The following TRAF3 variants were observed in gnomAD, a reference collection of about 807,000 sequenced individuals.
TRAF3 encodes TNF receptor associated factor 3.
TRAF3 carries 13 observed loss-of-function variants against 62.3 expected under a neutral mutation model. The ratio of observed to expected loss-of-function variants is 0.21; its 90% CI spans 0.14 to 0.33. The LOEUF (loss-of-function observed/expected upper bound fraction) is 0.33. Ranked by LOEUF, TRAF3 falls within the 10% of genes least tolerant of loss-of-function variation. The pLI is 1.00. For synonymous variants in TRAF3, 269 were observed against 283.4 expected (o/e 0.95, Z 0.51); for missense variants, 440 against 741.8 (o/e 0.59, Z 4.73).
At chr14:102,878,541 C>T (rs1216284804) in intron 6 of TRAF3, among the ~76,000 whole-genome samples, 1 of 152,092 alleles carries the variant, frequency 6.6e-6, no homozygotes, top group African/African-American at 2.4e-5. Flanking sequence ...CTACTGTGCG[C>T]CGGGCAGTAT....
At chr14:102,789,594 ATGTGTGTGTGTGTG>A (rs56383846) in intron 1 of TRAF3, among the ~76,000 whole-genome samples, 1 of 148,686 alleles carries the variant, frequency 6.7e-6, no homozygotes, top group African/African-American at 2.5e-5. Flanking sequence ...AAAAGGATAT[ATGTGTGTGTGTGTG>A]TGTGTGTGTG....
At chr14:102,795,697 C>T (rs568496700) in intron 1 of TRAF3, among the ~76,000 whole-genome samples, 41 of 151,776 alleles carry the variant, frequency 2.7e-4, no homozygotes, top group African/African-American at 7.7e-4. Context: ...TGTTGGGTGT[C>T]TTGCCTCCTT....
At chr14:102,794,535 C>G (rs908457432) in intron 1 of TRAF3, among the ~76,000 whole-genome samples, 1 of 152,188 alleles carries the variant, frequency 6.6e-6, no homozygotes, top group African/African-American at 2.4e-5. Context: ...AGCATTATTC[C>G]TGCCATGTTC....
intron 2 of TRAF3, among the ~76,000 whole-genome samples, chr14:102,864,210 G>A (rs1216093584): frequency 5.4e-5 from 8 of 148,550 alleles, no homozygotes; most frequent in East Asian, 2.0e-4. Context: ...GTGCAGTGGC[G>A]CCATCACGGC....
chr14:102,878,948 G>A (rs112937318), intron 6 of TRAF3, among the ~76,000 whole-genome samples: 1,977 of 152,156 alleles, frequency 0.013, 44 homozygotes, highest in African/African-American at 0.046. Context: ...GCCAGCAGGT[G>A]GGGTATGAGG....
chr14:102,901,561 T>C (rs1890302868), intron 10 of TRAF3, among the ~76,000 whole-genome samples: 1 of 152,190 alleles, frequency 6.6e-6, no homozygotes, highest in African/African-American at 2.4e-5. Context: ...CTTGGTGAGC[T>C]AATTAAATAT....
chr14:102,793,548 C>G (rs1897914804), intron 1 of TRAF3, among the ~76,000 whole-genome samples: 1 of 152,198 alleles, frequency 6.6e-6, no homozygotes, highest in Non-Finnish European at 1.5e-5. Flanking sequence ...TCCAAGCAGA[C>G]AACCCTAACA....
At position 102,910,038 on chromosome 14, in the gene TRAF3, C is replaced by G. The variant is rs1890783850; in HGVS notation, c.*4254C>G. ...CAACAGCTGGGCTGACACCTCCTTTCTCCCCTGCACGGGGAGGATTGGCCT... is the reference window on the plus strand; with the variant it reads ...CAACAGCTGGGCTGACACCTCCTTTGTCCCCTGCACGGGGAGGATTGGCCT... On this transcript the variant is annotated 3_prime_UTR_variant, in exon 12 of 12. Transcript: ENST00000392745. 1 of 152,260 alleles carries G rather than the reference C, an allele frequency of 6.6e-6. No homozygotes were observed. Among genetic ancestry groups the G allele is most frequent in the African/African-American group, 2.4e-5 (1 of 41,462 alleles). 9.4% of individuals were successfully genotyped at this position (152,260 alleles called of 1,614,324 possible). A position where few individuals can be genotyped will look rare whatever the true frequency, so the allele number is the denominator to read the frequency against.
chr14:102,868,505 C>T (rs1291756577), intron 2 of TRAF3, among the ~76,000 whole-genome samples: 1 of 152,130 alleles, frequency 6.6e-6, no homozygotes, highest in Admixed American at 6.5e-5. Flanking sequence ...CTGGAGCTGC[C>T]CTGCAGAAGC....
intron 1 of TRAF3, among the ~76,000 whole-genome samples, chr14:102,802,946 G>A (rs1224443562): frequency 6.6e-6 from 1 of 152,178 alleles, no homozygotes; most frequent in East Asian, 1.9e-4. Context: ...GGTGGAAGGG[G>A]AAGCAAACAC....
chr14:102,844,928 C>T (rs1000790255), intron 2 of TRAF3, among the ~76,000 whole-genome samples: 4 of 151,966 alleles, frequency 2.6e-5, no homozygotes, highest in African/African-American at 4.8e-5. Flanking sequence ...GACGGAGTCT[C>T]GCACTGTTGC....
At chr14:102,866,208 C>T (rs897718686) in intron 2 of TRAF3, among the ~76,000 whole-genome samples, 1 of 152,092 alleles carries the variant, frequency 6.6e-6, no homozygotes, top group South Asian at 2.1e-4. Flanking sequence ...TGTTCTCACT[C>T]GTAAGTGGGA....
chr14:102,903,738 A>G lies in TRAF3; in HGVS notation c.1135+309A>G, dbSNP rs1237356669. 7.6e-6 allele frequency: 4 copies of G among 524,664 alleles called. No homozygotes were observed. Among genetic ancestry groups the G allele is most frequent in the Non-Finnish European group, 1.5e-5 (4 of 272,318 alleles). 32.5% of individuals were successfully genotyped at this position (524,664 alleles called of 1,614,324 possible). A position where few individuals can be genotyped will look rare whatever the true frequency, so the allele number is the denominator to read the frequency against. On this transcript the variant is annotated intron_variant, in intron 11 of 11. Transcript: ENST00000392745. The surrounding 1 kb of genome is among the most constrained non-coding windows in gnomAD (Gnocchi z 6.4). Reference sequence around the variant, plus strand: ...CTGGCCGCAGGGTGACCCACAGGACAGGCCCAAGCGCAGATGGCAGAGGCC... The same window carrying G: ...CTGGCCGCAGGGTGACCCACAGGACGGGCCCAAGCGCAGATGGCAGAGGCC...
chr14:102,778,795 C>A (rs1359301598), intron 1 of TRAF3, among the ~76,000 whole-genome samples: 1 of 152,154 alleles, frequency 6.6e-6, no homozygotes, highest in Non-Finnish European at 1.5e-5. Flanking sequence ...CTGTATTTGT[C>A]TATAAAATTC....
At chr14:102,783,875 T>A (rs7158103) in intron 1 of TRAF3, among the ~76,000 whole-genome samples, 4,064 of 152,250 alleles carry the variant, frequency 0.027, 161 homozygotes, top group African/African-American at 0.09. Context: ...ATCTATAAAA[T>A]GGGGCTACTA....
chr14:102,802,929 C>G (rs1052856178), intron 1 of TRAF3, among the ~76,000 whole-genome samples: 1 of 152,150 alleles, frequency 6.6e-6, no homozygotes, highest in East Asian at 1.9e-4. Flanking sequence ...AGGAAACTTA[C>G]AATCATGGTG....
At chr14:102,870,922 G>A (rs1411176089) in intron 3 of TRAF3, among the ~76,000 whole-genome samples, 1 of 152,212 alleles carries the variant, frequency 6.6e-6, no homozygotes, top group Non-Finnish European at 1.5e-5. Flanking sequence ...AACATGCACC[G>A]AGCCCATGGC....
intron 2 of TRAF3, among the ~76,000 whole-genome samples, chr14:102,854,520 C>G (rs575855667): frequency 2.4e-4 from 36 of 152,300 alleles, no homozygotes; most frequent in Admixed American, 1.0e-3. Flanking sequence ...GGTTTTGAGA[C>G]AGAGTCTTAC....
intron 2 of TRAF3, among the ~76,000 whole-genome samples, chr14:102,869,598 A>T (rs1888207216): frequency 6.6e-6 from 1 of 151,940 alleles, no homozygotes; most frequent in Non-Finnish European, 1.5e-5. Flanking sequence ...CGAGGTCAGG[A>T]GATTGAGATC....
Sources: gnomAD v4.1 joint callset for allele counts (sites outside exome capture counted in the v4.1 genomes callset) on GRCh38, gnomAD v4.1.1 for gene constraint, Gnocchi (gnomAD v3.1) non-coding constraint, MANE v1.5 for transcripts, NCBI Gene and HGNC (gene_info 2026-07-23, HGNC 2026-07-21) for gene names.